The following TCTN3 variants were observed in gnomAD, a reference collection of about 807,000 sequenced individuals.
TCTN3 encodes the protein tectonic family member 3.
A neutral mutation model predicts 71.3 loss-of-function variants in TCTN3; 57 were observed. The ratio of observed to expected loss-of-function variants is 0.80; its 90% confidence interval spans 0.65 to 1.00. The LOEUF (loss-of-function observed/expected upper bound fraction) is 1.00. Among genes scored for constraint, TCTN3 ranks in the 50% least tolerant of loss-of-function variants. The probability of loss-of-function intolerance (pLI) is 0.00; values close to 1 mark genes in which losing one functional copy is unlikely to be tolerated. For missense variants in TCTN3, 696 were observed against 719.9 expected (o/e 0.97, Z 0.38); for synonymous variants, 258 against 267.8 (o/e 0.96, Z 0.36).
chr10:95,670,531 T>G (rs1416414978), intron 13 of TCTN3, among the ~76,000 whole-genome samples: 1 of 151,548 alleles, frequency 6.6e-6, no homozygotes, highest in Non-Finnish European at 1.5e-5. Context: ...TCTAATTTTT[T>G]GTATATTTTT....
At chr10:95,673,936 G>A (rs2097934180) in intron 13 of TCTN3, among the ~76,000 whole-genome samples, 1 of 152,084 alleles carries the variant, frequency 6.6e-6, no homozygotes, top group South Asian at 2.1e-4. Flanking sequence ...CTGTCCCATT[G>A]GTCTGTCTAT....
intron 3 of TCTN3, among the ~76,000 whole-genome samples, chr10:95,691,656 C>T (rs1333090206): frequency 6.6e-6 from 1 of 152,130 alleles, no homozygotes; most frequent in African/African-American, 2.4e-5. Context: ...ATGCAAGAGA[C>T]ATTTAAATCC....
chr10:95,669,859 C>T (rs1393061647), intron 13 of TCTN3, among the ~76,000 whole-genome samples: 1 of 151,502 alleles, frequency 6.6e-6, no homozygotes, highest in Non-Finnish European at 1.5e-5. Context: ...GTCAGGAGAT[C>T]GAGACCATCC....
intron 12 of TCTN3, among the ~76,000 whole-genome samples, chr10:95,681,327 C>T (rs1206536704): frequency 2.0e-5 from 3 of 151,752 alleles, no homozygotes; most frequent in East Asian, 1.9e-4. Context: ...CTGCCCGCCT[C>T]GGCCTTCCAA....
At chr10:95,664,742 A>T (rs1384218002) in intron 13 of TCTN3, among the ~76,000 whole-genome samples, 1 of 152,182 alleles carries the variant, frequency 6.6e-6, no homozygotes, top group Non-Finnish European at 1.5e-5. Context: ...GGTTGGAAGG[A>T]TCCTTCCACC....
intron 3 of TCTN3, among the ~76,000 whole-genome samples, chr10:95,690,982 G>C (rs956725013): frequency 2.0e-5 from 3 of 152,130 alleles, no homozygotes; most frequent in Admixed American, 2.0e-4. Context: ...ATTGGAAGTG[G>C]CCATATTCCT....
chr10:95,678,377 C>CAAAA (rs1238267575), intron 13 of TCTN3, among the ~76,000 whole-genome samples: 11 of 151,504 alleles, frequency 7.3e-5, no homozygotes, highest in Admixed American at 6.6e-4. Flanking sequence ...ACTAAAAATA[C>CAAAA]AAAAAATTAG....
At chr10:95,664,707 A>T (rs2097924287) in intron 13 of TCTN3, among the ~76,000 whole-genome samples, 1 of 152,228 alleles carries the variant, frequency 6.6e-6, no homozygotes, top group Non-Finnish European at 1.5e-5. Context: ...AATGGCAGAA[A>T]GAAAGGTCAC....
At position 95,685,656 on chromosome 10, in the gene TCTN3, A is replaced by G. The variant is rs2097947577; in HGVS notation, c.889-20T>C. On this transcript the variant is annotated intron_variant, in intron 7 of 13. Transcript: ENST00000371217. ...CTGGAACTAGCAACGAAAAGAAGCA[A>G]ATTAACTAAAACTGAAGGCGGTATT... 1.3e-6 allele frequency: 2 copies of G among 1,535,160 alleles called. No homozygotes were observed. Among genetic ancestry groups the G allele is most frequent in the Non-Finnish European group, 1.8e-6 (2 of 1,132,300 alleles).
At chr10:95,682,997 C>G in intron 11 of TCTN3, 104 bp downstream of exon 11, 1 of 1,301,508 alleles carries the variant, frequency 7.7e-7, no homozygotes, top group Non-Finnish European at 1.1e-6. Flanking sequence ...CTATTCCTGA[C>G]TAGCATTTTC....
chr10:95,668,123 T>C (rs1259852548), intron 13 of TCTN3, among the ~76,000 whole-genome samples: 2 of 151,226 alleles, frequency 1.3e-5, no homozygotes, highest in African/African-American at 4.9e-5. Context: ...AAATAAAAAA[T>C]TCAGTAAAAA....
Position 95,693,697 on chromosome 10 carries a change from G to A in TCTN3, c.203C>T (p.Pro68Leu). The A allele has an allele frequency of 6.4e-7, 1 of 1,551,728 alleles. No individual in the cohort carries two copies. The highest frequency in any genetic ancestry group is 1.4e-5 in the African/African-American group (1 of 73,164). Residue 68 changes from proline (P) to leucine (L), a missense_variant, in exon 1 of 14, where the codon CCT (proline) becomes CTT (leucine). Transcript: ENST00000371217. ...AGGGGCCGAGGGAGTCACGAGAGTA[G>A]GGACCACTGTAGGGAGTCCAGGCAC... ...PAVPGLPTVVPTLVTPSAPGN... is the reference protein window; with the variant it reads ...PAVPGLPTVVLTLVTPSAPGN...
chr10:95,674,577 C>A (rs1357879387), intron 13 of TCTN3, among the ~76,000 whole-genome samples: 1 of 152,058 alleles, frequency 6.6e-6, no homozygotes, highest in Non-Finnish European at 1.5e-5. Flanking sequence ...ATGTCAATAA[C>A]ATTTTTTTCC....
At chr10:95,680,426 T>C in intron 13 of TCTN3, 46 bp downstream of exon 13, 1 of 1,556,860 alleles carries the variant, frequency 6.4e-7, no homozygotes, top group Non-Finnish European at 8.7e-7. Flanking sequence ...GATAAGACAA[T>C]CTAGGCTTTG....
intron 7 of TCTN3, 43 bp from the exon 8 acceptor site, chr10:95,685,679 ATTTT>A: frequency 1.2e-5 from 17 of 1,460,588 alleles, no homozygotes; most frequent in Non-Finnish European, 1.3e-5. Flanking sequence ...TGAAGGCGGT[ATTTT>A]GTCTTGTATC....
At chr10:95,692,393 C>T (rs955690740) in intron 3 of TCTN3, among the ~76,000 whole-genome samples, 4 of 152,048 alleles carry the variant, frequency 2.6e-5, no homozygotes, top group African/African-American at 7.2e-5. Context: ...ATAGTCCCAG[C>T]TACTCGGGAA....
rs793888508 is a variant in TCTN3 at position 95,685,585 on chromosome 10, C to A, written c.940G>T (p.Gly314Ter). The A allele has an allele frequency of 1.9e-6, 3 of 1,551,352 alleles. No individual in the cohort carries two copies. The African/African-American group carries it at 4.1e-5, about 21-fold the overall frequency. ...TSQANAPLLA[G>*]NTCQNVVSQV... ...GAAACTACATTCTGACAAGTGTTTC[C>A]AGCCAACAGAGGAGCATTAGCCTGT... Residue 314 changes from glycine (G) to a stop codon, truncating the protein, a stop_gained, in exon 8 of 14, where the codon GGA becomes TGA. Transcript: ENST00000371217. LOFTEE classifies it high-confidence loss of function.
rs2097952595 is a variant in TCTN3 at position 95,690,588 on chromosome 10, T to C, written c.499+2332A>G. On this transcript the variant is annotated intron_variant, in intron 3 of 13. Transcript: ENST00000371217. The stretch of plus-strand genomic sequence containing the variant: ...ACTTGGGAAAAATACAGGGCATATC[T>C]TGAGGACAACGAGTAGATGAGTTCA... Among the ~76,000 whole-genome samples, 3 of 152,158 alleles carry C rather than the reference T, an allele frequency of 2.0e-5. No individual in the cohort carries two copies. The South Asian group carries it at 6.2e-4, about 32-fold the overall frequency.
chr10:95,674,851 GAATA>G (rs1481447053), intron 13 of TCTN3, among the ~76,000 whole-genome samples: 17 of 151,750 alleles, frequency 1.1e-4, no homozygotes, highest in South Asian at 2.1e-4. Flanking sequence ...ATGAATGAAT[GAATA>G]AATAAAGTGT....
Sources: allele counts gnomAD v4.1 joint callset (sites outside exome capture counted in the v4.1 genomes callset), GRCh38; gene constraint gnomAD v4.1.1; transcripts MANE v1.5; gene names NCBI Gene and HGNC (gene_info 2026-07-23, HGNC 2026-07-21).